The following SLC9A3 variants were observed in gnomAD, a reference collection of about 807,000 sequenced individuals.
SLC9A3 encodes solute carrier family 9 member A3.
In SLC9A3, 37 loss-of-function variants were observed where a neutral mutation model predicts 86.8. That is an observed-to-expected ratio of 0.43 (90% CI 0.33 to 0.56). SLC9A3 has a LOEUF of 0.56. Among genes scored for constraint, SLC9A3 ranks in the 20% least tolerant of loss-of-function variants. The pLI is 0.06. For synonymous variants in SLC9A3, 581 were observed against 528.3 expected (o/e 1.10, Z -1.37); for missense variants, 1,011 against 1,171.9 (o/e 0.86, Z 2.00).
chr5:500,107 C>T (rs187272609), intron 1 of SLC9A3, among the ~76,000 whole-genome samples: 51 of 152,400 alleles, frequency 3.3e-4, no homozygotes, highest in Middle Eastern at 3.4e-3. Context: ...GCGGCAACCC[C>T]GGCCCTGTGG....
intron 1 of SLC9A3, among the ~76,000 whole-genome samples, chr5:521,933 TG>T (rs1733894447): frequency 6.6e-6 from 1 of 151,792 alleles, no homozygotes; most frequent in Non-Finnish European, 1.5e-5. Context: ...AGAGAGGGGA[TG>T]GAGGGTGGGA....
chr5:475,183 A>AGGGGAGACCTCGCCGGGGCC, intron 15 of SLC9A3, 51 bp from the exon 16 acceptor site: 1 of 1,516,206 alleles, frequency 6.6e-7, no homozygotes, highest in Non-Finnish European at 8.8e-7. Context: ...CCACGGCGGC[A>AGGGGAGACCTCGCCGGGGCC]GGGGAGACCT....
At chr5:508,900 G>T (rs1740742729) in intron 1 of SLC9A3, among the ~76,000 whole-genome samples, 1 of 151,688 alleles carries the variant, frequency 6.6e-6, no homozygotes, top group African/African-American at 2.4e-5. Context: ...CTTGAGCCCA[G>T]GAGTTCCAGA....
chr5:485,063 G>A, intron 4 of SLC9A3, 90 bp downstream of exon 4: 1 of 1,017,318 alleles, frequency 9.8e-7, no homozygotes, highest in Non-Finnish European at 1.6e-6. Flanking sequence ...TGAGTGCAAA[G>A]CTTTTTCCTG....
intron 1 of SLC9A3, among the ~76,000 whole-genome samples, chr5:501,032 C>A (rs559256089): frequency 3.9e-5 from 6 of 152,316 alleles, no homozygotes; most frequent in Non-Finnish European, 7.4e-5. Context: ...AACTGATTGC[C>A]GAGGCTGGAG....
At chr5:506,976 C>T (rs1307573990) in intron 1 of SLC9A3, among the ~76,000 whole-genome samples, 1 of 148,896 alleles carries the variant, frequency 6.7e-6, no homozygotes, top group Non-Finnish European at 1.5e-5. Context: ...GAGGCTGAGG[C>T]AGGAGAATCG....
At chr5:480,943 G>A (rs1240577879) in intron 9 of SLC9A3, 3 of 152,442 alleles carry the variant, frequency 2.0e-5, no homozygotes, top group Non-Finnish European at 4.4e-5. Flanking sequence ...AGGCTGGAAT[G>A]TAATGGCGCA....
At position 496,346 on chromosome 5, in the gene SLC9A3, C is replaced by T. The variant is rs911468096; in HGVS notation, c.212-4275G>A. Among the ~76,000 whole-genome samples, 5 of 152,206 alleles carry T rather than the reference C, an allele frequency of 3.3e-5. No homozygotes were observed. The highest frequency in any genetic ancestry group is 7.2e-5 in the African/African-American group (3 of 41,456). On this transcript the variant is annotated intron_variant, in intron 1 of 16. Transcript: ENST00000264938. This position sits in a 1 kb window ranked among gnomAD's most constrained non-coding sequence, Gnocchi z 4.7. ...ACGGGGGAGGAGCCGCACCCATCCC[C>T]ACCGGCCAGGCAGGCGTGAGCCACA...
At chr5:477,560 T>A (rs1216108566) in intron 10 of SLC9A3, 116 bp from the exon 11 acceptor site, 10 of 653,536 alleles carry the variant, frequency 1.5e-5, no homozygotes, top group Admixed American at 3.1e-5. Context: ...CCTTGAGACC[T>A]GAGCCCCGGG....
chr5:479,581 G>C (rs531669538), intron 10 of SLC9A3: 2 of 463,024 alleles, frequency 4.3e-6, no homozygotes, highest in African/African-American at 4.0e-5. Flanking sequence ...AAGGGAGCTC[G>C]GGGTCCTAGG....
chr5:473,183 C>G lies in SLC9A3; in HGVS notation c.*196G>C. The stretch of plus-strand genomic sequence containing the variant: ...GCGCAGGCCCCGCCCCCGGCTCGCC[C>G]TCGGGCGGCTCTGCGGGCGCAGGCG... On this transcript the variant is annotated 3_prime_UTR_variant, in exon 17 of 17. Transcript: ENST00000264938. 1.9e-6 allele frequency: 1 copy of G among 532,898 alleles called. No individual in the cohort carries two copies. Among genetic ancestry groups the G allele is most frequent in the Non-Finnish European group, 2.8e-6 (1 of 360,172 alleles). The allele number at this position is 532,898 out of a possible 1,614,324, so 33.0% of individuals were successfully genotyped here.
chr5:513,128 G>A (rs1733611656), intron 1 of SLC9A3, among the ~76,000 whole-genome samples: 1 of 152,174 alleles, frequency 6.6e-6, no homozygotes, highest in Admixed American at 6.5e-5. Flanking sequence ...TGCACCTACT[G>A]TGAGCTGCGT....
rs921387629 is a variant in SLC9A3, at chr5:482,665, G to A, written c.1239C>T (p.Gly413=). The change falls in exon 7 of 17, where the codon GGC becomes GGT. Residue 413 remains glycine (G), a synonymous_variant. Coordinates refer to ENST00000264938, the MANE Select transcript of SLC9A3 (RefSeq NM_004174.4). ...PIDQVVLSYG[G]LRGAVAFALV... ...GGGCAAAGGCCACGGCCCCGCGCAGGCCCCCGTAGGACAGGACCACCTGGT... is the reference window on the plus strand; with the variant it reads ...GGGCAAAGGCCACGGCCCCGCGCAGACCCCCGTAGGACAGGACCACCTGGT... The A allele has an allele frequency of 6.8e-6, 11 of 1,612,414 alleles. No individual in the cohort carries two copies. The South Asian group carries it at 1.1e-4, about 16-fold the overall frequency.
At chr5:489,865 C>G (rs946626445) in intron 2 of SLC9A3, among the ~76,000 whole-genome samples, 1 of 152,228 alleles carries the variant, frequency 6.6e-6, no homozygotes, top group Admixed American at 6.5e-5. Flanking sequence ...GCCAGGAGGG[C>G]TCATGCCACC....
intron 1 of SLC9A3, among the ~76,000 whole-genome samples, chr5:519,700 G>A (rs1180095199): frequency 1.3e-5 from 2 of 152,154 alleles, no homozygotes; most frequent in Non-Finnish European, 2.9e-5. Context: ...CCGGGAGCAG[G>A]GAACCTGGCG....
intron 1 of SLC9A3, among the ~76,000 whole-genome samples, chr5:517,836 TCCA>T (rs398064433): frequency 1.1e-4 from 15 of 131,184 alleles, no homozygotes; most frequent in Non-Finnish European, 1.2e-4. Context: ...CATCCATCCA[TCCA>T]CTCATCCACC....
At chr5:523,964 C>T (rs2126664499) in intron 1 of SLC9A3, 148 bp downstream of exon 1, 1 of 447,764 alleles carries the variant, frequency 2.2e-6, no homozygotes, top group East Asian at 3.6e-5. Context: ...GCTCCCGAGT[C>T]TCGCTCTGCT....
chr5:503,824 G>C (rs1261282614), intron 1 of SLC9A3, among the ~76,000 whole-genome samples: 2 of 152,222 alleles, frequency 1.3e-5, no homozygotes, highest in Non-Finnish European at 2.9e-5. Context: ...AGGAAGGCGT[G>C]TCTGCTGGAA....
At chr5:523,569 T>C (rs1242709698) in intron 1 of SLC9A3, among the ~76,000 whole-genome samples, 1 of 146,640 alleles carries the variant, frequency 6.8e-6, no homozygotes, top group Non-Finnish European at 1.5e-5. Flanking sequence ...TGGCGCCGGT[T>C]AAGAAGAAGA....
Sources: gnomAD v4.1 joint callset for allele counts (sites outside exome capture counted in the v4.1 genomes callset) on GRCh38, gnomAD v4.1.1 for gene constraint, Gnocchi (gnomAD v3.1) non-coding constraint, MANE v1.5 for transcripts, NCBI Gene and HGNC (gene_info 2026-07-23, HGNC 2026-07-21) for gene names.